The following GALNT17 variants were observed in gnomAD, a reference collection of about 807,000 sequenced individuals.
The protein encoded by GALNT17 is UDP-GalNAc:polypeptide N-acetylgalactosaminyltransferase-like 3.
Under a neutral mutation model 63.7 loss-of-function variants are expected in GALNT17, and 29 were observed. That is an observed-to-expected ratio of 0.46 (90% CI 0.34 to 0.62). The LOEUF (loss-of-function observed/expected upper bound fraction) is 0.62, where lower values mean the gene tolerates loss of function less well. Among genes scored for constraint, GALNT17 ranks in the 20% least tolerant of loss-of-function variants. GALNT17 has a pLI of 0.01. For synonymous variants in GALNT17, 305 were observed against 318.3 expected (o/e 0.96, Z 0.45); for missense variants, 603 against 799.6 (o/e 0.75, Z 2.97).
chr7:71,528,833 G>C (rs1025574421), intron 5 of GALNT17, among the ~76,000 whole-genome samples: 1 of 152,032 alleles, frequency 6.6e-6, no homozygotes, highest in Non-Finnish European at 1.5e-5. Flanking sequence ...TTTTTACAGT[G>C]GTTAAAAAAA....
At chr7:71,688,335 G>C (rs374665817) in intron 9 of GALNT17, among the ~76,000 whole-genome samples, 4 of 152,104 alleles carry the variant, frequency 2.6e-5, no homozygotes, top group African/African-American at 9.7e-5. Context: ...TGGGTTGTTC[G>C]TTCCTGCCTC....
intron 1 of GALNT17, among the ~76,000 whole-genome samples, chr7:71,287,693 A>C (rs1790899746): frequency 6.6e-6 from 1 of 152,320 alleles, no homozygotes; most frequent in Non-Finnish European, 1.5e-5. Context: ...TTCGTATGTT[A>C]TATGTATTAT....
At chr7:71,428,218 C>T (rs2960866) in intron 5 of GALNT17, among the ~76,000 whole-genome samples, 369 of 152,224 alleles carry the variant, frequency 2.4e-3, no homozygotes, top group African/African-American at 8.5e-3. Context: ...CCCCAAATAG[C>T]GACCCAGTGC....
chr7:71,227,832 A>T (rs1789709656), intron 1 of GALNT17, among the ~76,000 whole-genome samples: 1 of 152,128 alleles, frequency 6.6e-6, no homozygotes, highest in Admixed American at 6.5e-5. Context: ...AGCGAGTCTG[A>T]GAGAGAGTCC....
At chr7:71,445,167 TTTTC>T (rs1242379293) in intron 5 of GALNT17, among the ~76,000 whole-genome samples, 14 of 149,718 alleles carry the variant, frequency 9.4e-5, no homozygotes, top group Non-Finnish European at 1.6e-4. Flanking sequence ...CCACCTTTTT[TTTTC>T]TTTCTTTCTT....
At chr7:71,353,785 C>T (rs1583883415) in intron 2 of GALNT17, among the ~76,000 whole-genome samples, 4 of 152,204 alleles carry the variant, frequency 2.6e-5, no homozygotes, top group Admixed American at 2.6e-4. Context: ...ATATTGATTC[C>T]TGGGTTAAAT....
chr7:71,700,714 C>G (rs10085829), intron 9 of GALNT17, among the ~76,000 whole-genome samples: 1 of 152,126 alleles, frequency 6.6e-6, no homozygotes, highest in South Asian at 2.1e-4. Flanking sequence ...TCCATCAGGG[C>G]TTGACTTCAA....
intron 6 of GALNT17, among the ~76,000 whole-genome samples, chr7:71,595,268 A>T (rs2867474): frequency 0.85 from 129,631 of 151,922 alleles, 56,430 homozygotes; most frequent in East Asian, 0.99. Flanking sequence ...CAAAAAATAA[A>T]AATAATAACA....
intron 5 of GALNT17, among the ~76,000 whole-genome samples, chr7:71,442,451 G>A (rs948750261): frequency 2.6e-5 from 4 of 152,168 alleles, no homozygotes; most frequent in Non-Finnish European, 5.9e-5. Context: ...TGCCTGCCTC[G>A]GCCTCCCAAA....
intron 3 of GALNT17, among the ~76,000 whole-genome samples, chr7:71,413,491 G>A (rs1465045074): frequency 4.6e-5 from 7 of 151,586 alleles, no homozygotes; most frequent in Non-Finnish European, 7.4e-5. Context: ...TCGGCCTCCC[G>A]AGTAGCTGGG....
intron 1 of GALNT17, among the ~76,000 whole-genome samples, chr7:71,310,843 T>C (rs956797544): frequency 6.6e-6 from 1 of 152,176 alleles, no homozygotes; most frequent in African/African-American, 2.4e-5. Flanking sequence ...TGCCACGCGA[T>C]GTTCTGCTGG....
intron 6 of GALNT17, among the ~76,000 whole-genome samples, chr7:71,653,413 CTTTT>C (rs34997969): frequency 6.8e-6 from 1 of 146,972 alleles, no homozygotes; most frequent in Non-Finnish European, 1.5e-5. Context: ...AAAAGTAGGA[CTTTT>C]TTTTTTTTTA....
At chr7:71,422,427 A>G (rs1367592838) in intron 5 of GALNT17, among the ~76,000 whole-genome samples, 1 of 152,236 alleles carries the variant, frequency 6.6e-6, no homozygotes, top group Non-Finnish European at 1.5e-5. Context: ...CTTTTCCTAA[A>G]TAAGGGACCA....
intron 1 of GALNT17, among the ~76,000 whole-genome samples, chr7:71,170,940 A>T (rs1373581324): frequency 6.6e-6 from 1 of 151,314 alleles, no homozygotes; most frequent in African/African-American, 2.4e-5. Flanking sequence ...TTTCATCTTT[A>T]TTGCTAGGTA....
chr7:71,546,304 G>A (rs1788984364), intron 5 of GALNT17, among the ~76,000 whole-genome samples: 1 of 151,986 alleles, frequency 6.6e-6, no homozygotes, highest in East Asian at 1.9e-4. Flanking sequence ...GGGACTACAG[G>A]TGTGCACCAC....
chr7:71,588,312 A>C (rs753806591), intron 6 of GALNT17, among the ~76,000 whole-genome samples: 1 of 152,224 alleles, frequency 6.6e-6, no homozygotes, highest in Non-Finnish European at 1.5e-5. Flanking sequence ...ATATATAAAT[A>C]ATAGTTTCAA....
chr7:71,556,130 A>G (rs1329712456), intron 5 of GALNT17, among the ~76,000 whole-genome samples: 3 of 152,150 alleles, frequency 2.0e-5, no homozygotes, highest in Non-Finnish European at 4.4e-5. Context: ...TCTTACAACT[A>G]TTTTGCTGCT....
In GALNT17 at chr7:71,502,044, C is replaced by T. The variant is rs139750510; in HGVS notation, c.963-69241C>T. Among the ~76,000 whole-genome samples the T allele has an allele frequency of 2.4e-3, 372 of 152,278 alleles. 8 individuals carry two copies. The highest frequency in any genetic ancestry group is 0.015 in the South Asian group (74 of 4,826). On this transcript the variant is annotated intron_variant, in intron 5 of 10. Coordinates refer to ENST00000333538, the MANE Select transcript of GALNT17 (RefSeq NM_022479.3). ...GTTTATGGATAATCCCTTAACTCTCCTGTTTATTCAACCTTTCCCTCTCAA... is the reference window on the plus strand; with the variant it reads ...GTTTATGGATAATCCCTTAACTCTCTTGTTTATTCAACCTTTCCCTCTCAA...
intron 2 of GALNT17, among the ~76,000 whole-genome samples, chr7:71,338,093 C>T (rs570573578): frequency 2.0e-5 from 3 of 151,356 alleles, no homozygotes; most frequent in South Asian, 2.1e-4. Context: ...TTTGGGAGGC[C>T]GAGGCGGGCG....
Sources: gnomAD v4.1 joint callset for allele counts (sites outside exome capture counted in the v4.1 genomes callset) on GRCh38, gnomAD v4.1.1 for gene constraint, MANE v1.5 for transcripts, NCBI Gene and HGNC (gene_info 2026-07-23, HGNC 2026-07-21) for gene names.